The following POLR3H variants were observed in gnomAD, a reference collection of about 807,000 sequenced individuals.
The protein encoded by POLR3H is RNA polymerase III subunit H.
POLR3H carries 17 observed loss-of-function variants against 25.5 expected under a neutral mutation model. The ratio of observed to expected loss-of-function variants is 0.67; its 90% CI spans 0.46 to 1.00. POLR3H has a LOEUF of 1.00. Among genes scored for constraint, POLR3H ranks in the 50% least tolerant of loss-of-function variants. POLR3H has a pLI of 0.00. For missense variants in POLR3H, 274 were observed against 265.0 expected, an observed-to-expected ratio of 1.03 and a Z score of -0.24; for synonymous variants, 129 against 103.0, an observed-to-expected ratio of 1.25 and a Z score of -1.53.
chr22:41,541,404 G>A (rs760177885), intron 1 of POLR3H, among the ~76,000 whole-genome samples: 4 of 152,196 alleles, frequency 2.6e-5, no homozygotes, highest in Admixed American at 6.5e-5. Context: ...TAGGCCCCAA[G>A]AATGTGCAGA....
chr22:41,527,267 T>C lies in POLR3H; in HGVS notation c.*2016A>G. 6.2e-7 allele frequency: 1 copy of C among 1,614,040 alleles called. No homozygotes were observed. The highest frequency in any genetic ancestry group is 1.1e-5 in the South Asian group (1 of 91,078). On this transcript the variant is annotated 3_prime_UTR_variant, in exon 6 of 6. Transcript: ENST00000355209. ...CGGTGCCCTCCTCTGCCTTATAACC[T>C]TACCCCCGCTTGCCTGACAGAAACA...
In POLR3H at chr22:41,527,590, A is replaced by AGCTTCCCG. The variant is rs1343268964; in HGVS notation, c.*1685_*1692dup. The AGCTTCCCG allele has an allele frequency of 3.1e-5, 31 of 993,108 alleles. No individual in the cohort carries two copies. Among genetic ancestry groups the AGCTTCCCG allele is most frequent in the Non-Finnish European group, 4.2e-5 (29 of 692,700 alleles). The allele number at this position is 993,108 out of a possible 1,614,324, so 61.5% of individuals were successfully genotyped here. On this transcript the variant is annotated 3_prime_UTR_variant, in exon 6 of 6. Transcript: ENST00000355209. ...CTCACACAGTGCACATCCGACGCTC[A>AGCTTCCCG]GCTTCCCGGCTTCCCGCAGGCCCTG...
intron 2 of POLR3H, among the ~76,000 whole-genome samples, chr22:41,538,989 G>A (rs185273041): frequency 9.8e-5 from 15 of 152,288 alleles, no homozygotes; most frequent in South Asian, 2.1e-4. Context: ...GGGGCTGGGG[G>A]CAGTGGCTCA....
chr22:41,529,773 T>C, intron 5 of POLR3H: 1 of 449,190 alleles, frequency 2.2e-6, no homozygotes, highest in Admixed American at 2.6e-5. Context: ...GTTTTTTTTT[T>C]TTGAGACAGT....
At chr22:41,534,714 A>C (rs1160044264) in intron 2 of POLR3H, among the ~76,000 whole-genome samples, 1 of 152,012 alleles carries the variant, frequency 6.6e-6, no homozygotes, top group Non-Finnish European at 1.5e-5. Flanking sequence ...CGACATAGTG[A>C]AACCCCGTCT....
Position 41,530,719 on chromosome 22 carries a change from G to T in POLR3H, c.529C>A (p.Leu177Met). ...SADATTSSEE[L>M]PKKEAPYTLV... ...GTGTACGGAGCCTCCTTCTTTGGCAGCTCCTCACTGGAAGTGGTGGCATCT... is the reference window on the plus strand; with the variant it reads ...GTGTACGGAGCCTCCTTCTTTGGCATCTCCTCACTGGAAGTGGTGGCATCT... Residue 177 changes from leucine to methionine, a missense_variant, in exon 5 of 6, where the codon CTG becomes ATG. By Grantham distance (15) the Leu-to-Met change is conservative. Coordinates refer to ENST00000355209, the MANE Select transcript of POLR3H (RefSeq NM_001018050.4). The T allele has an allele frequency of 6.2e-7, 1 of 1,613,716 alleles. No homozygotes were observed. Among genetic ancestry groups the T allele is most frequent in the East Asian group, 2.2e-5 (1 of 44,892 alleles).
At position 41,527,439 on chromosome 22, in the gene POLR3H, C is replaced by G; in HGVS notation, c.*1844G>C. ...ATCCACGGTGAGCTGGAGTCTGTAC[C>G]CAGGCCATCCTCATCCCATCCCTAG... On this transcript the variant is annotated 3_prime_UTR_variant, in exon 6 of 6. Coordinates refer to ENST00000355209, the MANE Select transcript of POLR3H (RefSeq NM_001018050.4). 1 of 1,596,918 alleles carries G rather than the reference C, an allele frequency of 6.3e-7. No homozygotes were observed.
In POLR3H at chr22:41,526,479, G is replaced by A. The variant is rs745811060; in HGVS notation, c.*2804C>T. On this transcript the variant is annotated 3_prime_UTR_variant, in exon 6 of 6. Transcript: ENST00000355209. ...GTGGGTCAGAGTTGATAGGGGCAAT[G>A]CCAGTGGTCACTCCTGAAGGGGCCT... The A allele has an allele frequency of 6.3e-7, 1 of 1,599,662 alleles. No individual in the cohort carries two copies. Among genetic ancestry groups the A allele is most frequent in the South Asian group, 1.1e-5 (1 of 89,734 alleles).
chr22:41,536,967 A>G (rs2066859474), intron 2 of POLR3H, among the ~76,000 whole-genome samples: 1 of 151,988 alleles, frequency 6.6e-6, no homozygotes, highest in Admixed American at 6.6e-5. Flanking sequence ...TCAATATAAC[A>G]TTTAAAAATG....
At chr22:41,543,799 T>G (rs1456059537) in intron 1 of POLR3H, 192 bp downstream of exon 1, 7 of 701,784 alleles carry the variant, frequency 1.0e-5, no homozygotes, top group African/African-American at 1.8e-5. Flanking sequence ...CACTTCCAGT[T>G]ACAACTCCCT....
rs11554327 is a variant in POLR3H, at chr22:41,544,367, T to G, written c.-266A>C. The G allele has an allele frequency of 0.16, 50,169 of 311,764 alleles. 5,227 individuals carry two copies. Among genetic ancestry groups the G allele is most frequent in the Admixed American group, 0.38 (6,711 of 17,722 alleles). 19.3% of individuals were successfully genotyped at this position (311,764 alleles called of 1,614,324 possible). ...GCGAGACCCCGCCACGCCACGCCAC[T>G]CCACGCCACGCCACTCCACGCCCCG... On this transcript the variant is annotated 5_prime_UTR_variant, in exon 1 of 6. Coordinates refer to ENST00000355209, the MANE Select transcript of POLR3H (RefSeq NM_001018050.4).
At position 41,544,058 on chromosome 22, in the gene POLR3H, G is replaced by T; in HGVS notation, c.44C>A (p.Pro15His). ...VEMVDTVRIPPWQFERKLNDS... is the reference protein window; with the variant it reads ...VEMVDTVRIPHWQFERKLNDS... Reference sequence around the variant, plus strand: ...GTTGAGCTTCCTCTCAAACTGCCAAGGGGGGATCCGGACGGTGTCCACCAT... The same window carrying T: ...GTTGAGCTTCCTCTCAAACTGCCAATGGGGGATCCGGACGGTGTCCACCAT... The change falls in exon 1 of 6, where the codon CCT (proline) becomes CAT (histidine). Residue 15 changes from proline to histidine, a missense_variant. Transcript: ENST00000355209. The T allele has an allele frequency of 6.2e-7, 1 of 1,611,744 alleles. No individual in the cohort carries two copies.
At chr22:41,532,915 A>AG in intron 2 of POLR3H, among the ~76,000 whole-genome samples, 170 bp from the exon 3 acceptor site, 1 of 152,062 alleles carries the variant, frequency 6.6e-6, no homozygotes, top group Non-Finnish European at 1.5e-5. Flanking sequence ...TGGCCCCCAC[A>AG]GGGGGGCAGC....
rs2146159437 is a variant in POLR3H, at chr22:41,528,672, T to C, written c.*611A>G. ...AGTTCAGCTCCACGTGTGCCATCAG[T>C]GGATCCGATCCGTCCAGCCATGGCT... On this transcript the variant is annotated 3_prime_UTR_variant, in exon 6 of 6. Transcript: ENST00000355209. 5 of 1,593,322 alleles carry C rather than the reference T, an allele frequency of 3.1e-6. No homozygotes were observed. The highest frequency in any genetic ancestry group is 3.4e-6 in the Non-Finnish European group (4 of 1,172,852).
rs200820170 is a variant in POLR3H, at chr22:41,530,694, G to C, written c.554C>G (p.Thr185Arg). Residue 185 changes from threonine (T) to arginine (R), a missense_variant, in exon 5 of 6, where the codon ACG becomes AGG. Transcript: ENST00000355209. ...ACCATCAGAGCCACTCACCACAAGC[G>C]TGTACGGAGCCTCCTTCTTTGGCAG... ...EELPKKEAPYTLVGSISEPGL... is the reference protein window; with the variant it reads ...EELPKKEAPYRLVGSISEPGL... 6.8e-6 allele frequency: 11 copies of C among 1,612,660 alleles called. No homozygotes were observed. The highest frequency in any genetic ancestry group is 7.6e-6 in the Non-Finnish European group (9 of 1,179,902).
At position 41,527,929 on chromosome 22, in the gene POLR3H, G is replaced by T. The variant is rs1443000268; in HGVS notation, c.*1354C>A. On this transcript the variant is annotated 3_prime_UTR_variant, in exon 6 of 6. Transcript: ENST00000355209. ...CCAACCTGAAGAAACAGGGCCTGCT[G>T]CCTCTGACCTTCGCTGACCCGGCTG... 1 of 1,614,078 alleles carries T rather than the reference G, an allele frequency of 6.2e-7. No homozygotes were observed. Among genetic ancestry groups the T allele is most frequent in the African/African-American group, 1.3e-5 (1 of 74,936 alleles).
rs757401683 is a variant in POLR3H, at chr22:41,527,943, C to A, written c.*1340G>T. The A allele has an allele frequency of 2.5e-6, 4 of 1,614,092 alleles. No individual in the cohort carries two copies. In the African/African-American group the frequency reaches 5.3e-5, roughly 22 times the overall value. On this transcript the variant is annotated 3_prime_UTR_variant, in exon 6 of 6. Coordinates refer to ENST00000355209, the MANE Select transcript of POLR3H (RefSeq NM_001018050.4). Reference sequence around the variant, plus strand: ...CAGGGCCTGCTGCCTCTGACCTTCGCTGACCCGGCTGACTACAACAAGATT... The same window carrying A: ...CAGGGCCTGCTGCCTCTGACCTTCGATGACCCGGCTGACTACAACAAGATT...
chr22:41,527,887 C>T lies in POLR3H; in HGVS notation c.*1396G>A, dbSNP rs371603320. On this transcript the variant is annotated 3_prime_UTR_variant, in exon 6 of 6. Transcript: ENST00000355209. Reference sequence around the variant, plus strand: ...AGTCAGGCCCCCGATGACCGAATGCCGCCTGCTTTCCAGAGACCAACCTGA... The same window carrying T: ...AGTCAGGCCCCCGATGACCGAATGCTGCCTGCTTTCCAGAGACCAACCTGA... 3.0e-5 allele frequency: 49 copies of T among 1,614,122 alleles called. 1 individual carries two copies. The highest frequency in any genetic ancestry group is 2.1e-4 in the African/African-American group (16 of 75,026).
chr22:41,531,296 GAGGAC>G (rs552568605), intron 4 of POLR3H, among the ~76,000 whole-genome samples: 1 of 152,232 alleles, frequency 6.6e-6, no homozygotes, highest in Non-Finnish European at 1.5e-5. Flanking sequence ...CCGTTTTCAA[GAGGAC>G]ATAGTGGGAT....
Sources: gnomAD v4.1 joint callset for allele counts (sites outside exome capture counted in the v4.1 genomes callset) on GRCh38, gnomAD v4.1.1 for gene constraint, MANE v1.5 for transcripts, NCBI Gene and HGNC (gene_info 2026-07-23, HGNC 2026-07-21) for gene names.